PKP1: variants seen among roughly 807,000 people sequenced by gnomAD.
PKP1 encodes the protein plakophilin-1.
PKP1 carries 27 observed loss-of-function variants against 76.4 expected under a neutral mutation model. The observed-to-expected ratio is 0.35, with a 90% CI of 0.26 to 0.49. PKP1 has a LOEUF of 0.49. PKP1 is among the 20% of genes least tolerant of loss of function. The pLI is 0.99. For synonymous variants in PKP1, 404 were observed against 384.2 expected, an observed-to-expected ratio of 1.05 and a Z score of -0.60; for missense variants, 964 against 955.2, an observed-to-expected ratio of 1.01 and a Z score of -0.12.
At chr1:201,302,770 G>A (rs1016111647) in intron 2 of PKP1, among the ~76,000 whole-genome samples, 2 of 151,362 alleles carry the variant, frequency 1.3e-5, no homozygotes. Flanking sequence ...CGCCCCCACA[G>A]CGTGCCCAAG....
Position 201,283,667 on chromosome 1 carries a change from T to C in PKP1, c.-36T>C, listed in dbSNP as rs1463400915. On this transcript the variant is annotated 5_prime_UTR_variant, in exon 1 of 14. Transcript: ENST00000367324. ...ACCTCGCCTCGCCTCTCTGCTCTCC[T>C]AGGCCCCGGCCGCGCGCCACCCGCC... The C allele has an allele frequency of 1.3e-6, 2 of 1,592,160 alleles. No individual in the cohort carries two copies. Among genetic ancestry groups the C allele is most frequent in the Non-Finnish European group, 1.7e-6 (2 of 1,165,014 alleles).
chr1:201,294,156 T>C (rs1656010686), intron 2 of PKP1, 111 bp downstream of exon 2: 3 of 768,112 alleles, frequency 3.9e-6, no homozygotes, highest in Admixed American at 2.0e-5. Context: ...TAGGCTTTGG[T>C]CCGTGAGTTG....
Position 201,313,269 on chromosome 1 carries a change from C to G in PKP1, c.410C>G (p.Thr137Ser). ...CACTACCCCCGGGGCAGCTGTAACA[C>G]CACCGGCGCAGGCAGCGACATCTGC... ...SRHYPRGSCN[T>S]TGAGSDICFM... Residue 137 changes from threonine (T) to serine (S), a missense_variant, in exon 3 of 14, where the codon ACC becomes AGC. Transcript: ENST00000367324. 1 of 1,604,748 alleles carries G rather than the reference C, an allele frequency of 6.2e-7. No homozygotes were observed. The highest frequency in any genetic ancestry group is 1.1e-5 in the South Asian group (1 of 89,446).
chr1:201,329,641 G>A (rs1243558220), intron 13 of PKP1, among the ~76,000 whole-genome samples: 1 of 152,200 alleles, frequency 6.6e-6, no homozygotes, highest in African/African-American at 2.4e-5. Context: ...CCTGAGCTAA[G>A]GGGGACCTCT....
chr1:201,307,388 C>A (rs564843730), intron 2 of PKP1, among the ~76,000 whole-genome samples: 1 of 152,170 alleles, frequency 6.6e-6, no homozygotes, highest in Non-Finnish European at 1.5e-5. Context: ...AGGCAGGGAT[C>A]GACACTTCCC....
intron 1 of PKP1, 93 bp downstream of exon 1, chr1:201,283,997 T>G: frequency 1.7e-6 from 2 of 1,161,686 alleles, no homozygotes; most frequent in Non-Finnish European, 2.5e-6. Flanking sequence ...TCCCCGGGGA[T>G]GAGGGGAGGC....
chr1:201,289,812 G>A (rs1655862302), intron 1 of PKP1, among the ~76,000 whole-genome samples: 1 of 152,198 alleles, frequency 6.6e-6, no homozygotes, highest in South Asian at 2.1e-4. Flanking sequence ...ATGCTGGCAA[G>A]TTTGGAGTGC....
chr1:201,329,148 C>A (rs1488781657), intron 13 of PKP1, among the ~76,000 whole-genome samples: 1 of 152,196 alleles, frequency 6.6e-6, no homozygotes, highest in Non-Finnish European at 1.5e-5. Context: ...CTGAACAACA[C>A]AGGTGGTGCC....
In PKP1 at chr1:201,288,636, T is replaced by TACAC. The variant is rs139258774; in HGVS notation, c.202+4743_202+4746dup. Among the ~76,000 whole-genome samples, 828 of 151,634 alleles carry TACAC rather than the reference T, an allele frequency of 5.5e-3. 12 individuals are homozygous for TACAC. Among genetic ancestry groups the TACAC allele is most frequent in the African/African-American group, 0.019 (782 of 41,388 alleles). ...GACATACACCCATGTCTTTCTCTCATACACACACACACACGCACACTTAAT... is the reference window on the plus strand; with the variant it reads ...GACATACACCCATGTCTTTCTCTCATACACACACACACACACACGCACACTTAAT... On this transcript the variant is annotated intron_variant, in intron 1 of 13. Transcript: ENST00000367324.
chr1:201,288,650 C>T (rs1055809784), intron 1 of PKP1, among the ~76,000 whole-genome samples: 92 of 152,178 alleles, frequency 6.0e-4, no homozygotes, highest in African/African-American at 2.1e-3. Flanking sequence ...CACACACACA[C>T]GCACACTTAA....
chr1:201,309,056 GC>G (rs796355834), intron 2 of PKP1, among the ~76,000 whole-genome samples: 56 of 152,212 alleles, frequency 3.7e-4, no homozygotes, highest in African/African-American at 1.3e-3. Flanking sequence ...GCAAGCTGGA[GC>G]TTTTCCAGCT....
rs376443293 is a variant in PKP1 at position 201,313,254 on chromosome 1, G to T, written c.395G>T (p.Arg132Leu). ...QMENWSRHYP[R>L]GSCNTTGAGS... ...GAGAACTGGAGCCGGCACTACCCCC[G>T]GGGCAGCTGTAACACCACCGGCGCA... Residue 132 changes from arginine to leucine, a missense_variant, in exon 3 of 14, where the codon CGG becomes CTG. By Grantham distance (102) the Arg-to-Leu change is moderately radical. Coordinates refer to ENST00000367324, the MANE Select transcript of PKP1 (RefSeq NM_001005337.3). The T allele has an allele frequency of 6.2e-7, 1 of 1,604,664 alleles. No homozygotes were observed. Among genetic ancestry groups the T allele is most frequent in the Non-Finnish European group, 8.5e-7 (1 of 1,176,050 alleles).
chr1:201,305,897 G>T (rs1656354366), intron 2 of PKP1, among the ~76,000 whole-genome samples: 1 of 152,180 alleles, frequency 6.6e-6, no homozygotes, highest in Non-Finnish European at 1.5e-5. Flanking sequence ...ACCAGCCTCT[G>T]GGTTTGAAAG....
At chr1:201,312,804 C>A (rs905018556) in intron 2 of PKP1, among the ~76,000 whole-genome samples, 2 of 152,144 alleles carry the variant, frequency 1.3e-5, no homozygotes, top group Admixed American at 1.3e-4. Context: ...CCTGGTAGCT[C>A]CTTTAGGTAT....
At chr1:201,286,005 C>A (rs1424360058) in intron 1 of PKP1, among the ~76,000 whole-genome samples, 2 of 152,236 alleles carry the variant, frequency 1.3e-5, no homozygotes, top group Non-Finnish European at 2.9e-5. Flanking sequence ...CTGGAAGAGG[C>A]GGTTTGGTCA....
chr1:201,301,894 A>G (rs1009220258), intron 2 of PKP1, among the ~76,000 whole-genome samples: 4 of 152,216 alleles, frequency 2.6e-5, no homozygotes, highest in African/African-American at 9.6e-5. Flanking sequence ...AAACCTCTCC[A>G]GGCCTCGGTT....
intron 1 of PKP1, among the ~76,000 whole-genome samples, chr1:201,284,613 G>A (rs1349772713): frequency 5.3e-5 from 8 of 152,192 alleles, no homozygotes; most frequent in African/African-American, 1.9e-4. Context: ...TTGGAAGGCC[G>A]CCCCAGGGCC....
intron 12 of PKP1, 132 bp from the exon 13 acceptor site, chr1:201,328,630 A>G (rs1657220419): frequency 2.5e-6 from 2 of 796,032 alleles, no homozygotes; most frequent in Non-Finnish European, 4.5e-6. Context: ...TTTCGCCCTG[A>G]CACATGTACT....
intron 5 of PKP1, 24 bp downstream of exon 5, chr1:201,317,803 G>A (rs750678320): frequency 8.7e-6 from 14 of 1,605,594 alleles, no homozygotes; most frequent in Non-Finnish European, 1.2e-5. Context: ...GCCACCGAGA[G>A]CCAGCCTGAG....
Sources: gnomAD v4.1 joint callset for allele counts (sites outside exome capture counted in the v4.1 genomes callset) on GRCh38, gnomAD v4.1.1 for gene constraint, MANE v1.5 for transcripts, NCBI Gene and HGNC (gene_info 2026-07-23, HGNC 2026-07-21) for gene names.